The following IGSF23 variants were observed in gnomAD, a reference collection of about 807,000 sequenced individuals.
IGSF23 encodes immunoglobulin superfamily member 23, also known as immunoglobulin superfamily, member 23.
A neutral mutation model predicts 17.8 loss-of-function variants in IGSF23; 14 were observed. That is an observed-to-expected ratio of 0.79 (90% confidence interval 0.52 to 1.23). The LOEUF (loss-of-function observed/expected upper bound fraction) is 1.23. IGSF23 is among the 50% of genes most tolerant of loss of function. The pLI is 0.00. For synonymous variants in IGSF23, 85 were observed against 92.5 expected, an observed-to-expected ratio of 0.92 and a Z score of 0.46; for missense variants, 214 against 241.7, an observed-to-expected ratio of 0.89 and a Z score of 0.76.
chr19:44,634,540 G>A (rs1334256480), intron 3 of IGSF23, among the ~76,000 whole-genome samples: 1 of 152,138 alleles, frequency 6.6e-6, no homozygotes, highest in Non-Finnish European at 1.5e-5. Context: ...CTGGATTCCT[G>A]CCTGAATAGA....
At chr19:44,628,156 G>C (rs1487143104) in intron 3 of IGSF23, among the ~76,000 whole-genome samples, 2 of 151,922 alleles carry the variant, frequency 1.3e-5, no homozygotes, top group Non-Finnish European at 2.9e-5. Context: ...TGTTGGTCAG[G>C]CTGATCTCAA....
At chr19:44,635,722 T>C (rs1347367064) in intron 4 of IGSF23, among the ~76,000 whole-genome samples, 4 of 152,154 alleles carry the variant, frequency 2.6e-5, no homozygotes, top group Non-Finnish European at 4.4e-5. Context: ...TTGGGCTCCA[T>C]GCAAAAGAAA....
intron 3 of IGSF23, chr19:44,632,208 G>C (rs1214991075): frequency 7.0e-6 from 2 of 286,952 alleles, no homozygotes; most frequent in Non-Finnish European, 1.3e-5. Context: ...ACTGAGATCA[G>C]AAAGCACATG....
intron 3 of IGSF23, among the ~76,000 whole-genome samples, chr19:44,634,361 C>T (rs1275564842): frequency 1.3e-5 from 2 of 152,194 alleles, no homozygotes; most frequent in East Asian, 3.8e-4. Flanking sequence ...TGGCAGCTGA[C>T]TTGCTGATTA....
At chr19:44,616,093 TAAC>T (rs1231788570) in intron 1 of IGSF23, among the ~76,000 whole-genome samples, 7 of 152,100 alleles carry the variant, frequency 4.6e-5, no homozygotes, top group Admixed American at 4.6e-4. Flanking sequence ...GTTCTCTTGA[TAAC>T]AGCAGGTACC....
Position 44,635,531 on chromosome 19 carries a change from A to T in IGSF23, c.*31+66A>T, listed in dbSNP as rs528675610. Reference sequence around the variant, plus strand: ...AACAGAAAGAAGTTCTTGGGCAGAGACTCCATATGTGATTTCCTCCCTCCT... The same window carrying T: ...AACAGAAAGAAGTTCTTGGGCAGAGTCTCCATATGTGATTTCCTCCCTCCT... On this transcript the variant is annotated intron_variant, in intron 4 of 4. Transcript: ENST00000402988. 1.2e-3 allele frequency: 1,306 copies of T among 1,112,188 alleles called. 27 individuals are homozygous for T. In the South Asian group the frequency reaches 0.017, roughly 14 times the overall value. 68.9% of individuals were successfully genotyped at this position (1,112,188 alleles called of 1,614,324 possible).
chr19:44,616,640 T>C (rs1307167747), intron 1 of IGSF23, among the ~76,000 whole-genome samples: 1 of 140,232 alleles, frequency 7.1e-6, no homozygotes, highest in Non-Finnish European at 1.5e-5. Context: ...GAGCTTGCAG[T>C]GAGCCGAGAT....
At chr19:44,621,238 T>C (rs1221756904) in intron 1 of IGSF23, among the ~76,000 whole-genome samples, 1 of 146,308 alleles carries the variant, frequency 6.8e-6, no homozygotes, top group Non-Finnish European at 1.5e-5. Flanking sequence ...AGCTGTAACC[T>C]TGCCACTGCA....
In IGSF23 at chr19:44,636,737, T is replaced by C. The variant is rs2123731859; in HGVS notation, c.*350T>C. On this transcript the variant is annotated 3_prime_UTR_variant, in exon 5 of 5. Transcript: ENST00000402988. ...GTCTTTTACACATGCTGCTTTTTTT[T>C]TCTCTTTTTCAAAAAGAACCAAAAA... The C allele has an allele frequency of 6.6e-6, 1 of 152,328 alleles. No homozygotes were observed. Among genetic ancestry groups the C allele is most frequent in the Middle Eastern group, 3.4e-3 (1 of 294 alleles). The allele number at this position is 152,328 out of a possible 1,614,324, so 9.4% of individuals were successfully genotyped here.
chr19:44,618,584 T>C (rs976160843), intron 1 of IGSF23, among the ~76,000 whole-genome samples: 5 of 152,166 alleles, frequency 3.3e-5, no homozygotes, highest in African/African-American at 1.2e-4. Context: ...GTTGTTGTGT[T>C]CAGCTGTTGG....
chr19:44,617,133 T>C (rs1421349451), intron 1 of IGSF23, among the ~76,000 whole-genome samples: 1 of 151,088 alleles, frequency 6.6e-6, no homozygotes, highest in Non-Finnish European at 1.5e-5. Context: ...CTGGCTCAAG[T>C]AATCTTCCAG....
At chr19:44,624,175 C>T (rs188292436) in intron 2 of IGSF23, among the ~76,000 whole-genome samples, 1 of 152,024 alleles carries the variant, frequency 6.6e-6, no homozygotes, top group Admixed American at 6.6e-5. Context: ...TTCTTCTTTC[C>T]TCTTCTTCTT....
chr19:44,635,372 C>T, intron 3 of IGSF23, 29 bp from the exon 4 acceptor site: 1 of 883,124 alleles, frequency 1.1e-6, no homozygotes. Context: ...CTCTCTCTCT[C>T]TCTGTCTCTC....
At chr19:44,621,252 C>T (rs981189412) in intron 1 of IGSF23, among the ~76,000 whole-genome samples, 9 of 146,722 alleles carry the variant, frequency 6.1e-5, no homozygotes, top group Non-Finnish European at 1.0e-4. Flanking sequence ...CACTGCACTC[C>T]AGCCTGGGGG....
chr19:44,618,121 C>A, intron 1 of IGSF23: 1 of 471,158 alleles, frequency 2.1e-6, no homozygotes, highest in Non-Finnish European at 4.4e-6. Flanking sequence ...TCAGAGCTGC[C>A]CTTCTCGGCA....
intron 3 of IGSF23, among the ~76,000 whole-genome samples, chr19:44,630,390 A>C (rs940038595): frequency 6.6e-6 from 1 of 152,240 alleles, no homozygotes; most frequent in Non-Finnish European, 1.5e-5. Flanking sequence ...TCATTTCCCA[A>C]GTGAGTAGAG....
Position 44,627,493 on chromosome 19 carries a change from CATCGGGCT to C in IGSF23, c.466_473del (p.Ile156ProfsTer26). 2 of 1,550,534 alleles carry C rather than the reference CATCGGGCT, an allele frequency of 1.3e-6. No homozygotes were observed. On this transcript the variant is annotated frameshift_variant, in exon 3 of 5. Coordinates refer to ENST00000402988, the MANE Select transcript of IGSF23 (RefSeq NM_001205280.2). LOFTEE classifies it high-confidence loss of function. ...CTCTGTCCCTGTCAGGAGGCTCTGC[CATCGGGCT>C]CCTTGCGGCTGGGATCCTGGGAGCC...
intron 1 of IGSF23, among the ~76,000 whole-genome samples, chr19:44,620,341 T>TGTGTGTG (rs1972487297): frequency 8.6e-5 from 12 of 139,398 alleles, no homozygotes; most frequent in African/African-American, 3.0e-4. Flanking sequence ...ATGACTAATT[T>TGTGTGTG]TGTGTGTGTG....
chr19:44,613,783 G>C lies in IGSF23; in HGVS notation c.125+13G>C. ...CAGCCAACTTGGTGTAAGTCATGTG[G>C]GGAAGTGGCCAGGGTAGGGCATGGT... On this transcript the variant is annotated intron_variant, in intron 1 of 4. Coordinates refer to ENST00000402988, the MANE Select transcript of IGSF23 (RefSeq NM_001205280.2). The C allele has an allele frequency of 1.9e-6, 3 of 1,550,356 alleles. No homozygotes were observed. The highest frequency in any genetic ancestry group is 2.6e-6 in the Non-Finnish European group (3 of 1,146,856).
Sources: allele counts gnomAD v4.1 joint callset (sites outside exome capture counted in the v4.1 genomes callset), GRCh38; gene constraint gnomAD v4.1.1; transcripts MANE v1.5; gene names NCBI Gene and HGNC (gene_info 2026-07-23, HGNC 2026-07-21).